The following CTNNA2 variants were observed in gnomAD, a reference collection of about 807,000 sequenced individuals.
The protein encoded by CTNNA2 is catenin alpha-2.
A neutral mutation model predicts 101.0 loss-of-function variants in CTNNA2; 42 were observed. The observed-to-expected ratio is 0.42, with a 90% CI of 0.32 to 0.54. The LOEUF is 0.54. CTNNA2 is among the 20% of genes least tolerant of loss of function. CTNNA2 has a pLI of 0.14. For synonymous variants in CTNNA2, 450 were observed against 456.4 expected (o/e 0.99, Z 0.18); for missense variants, 871 against 1,223.1 (o/e 0.71, Z 4.29).
At chr2:80,112,499 C>T (rs1701280479) in intron 7 of CTNNA2, among the ~76,000 whole-genome samples, 1 of 152,210 alleles carries the variant, frequency 6.6e-6, no homozygotes, top group South Asian at 2.1e-4. Flanking sequence ...CCATCATCAC[C>T]ATTATTATCT....
At chr2:79,430,771 T>C (rs2104509832) in intron 4 of CTNNA2, among the ~76,000 whole-genome samples, 1 of 151,900 alleles carries the variant, frequency 6.6e-6, no homozygotes, top group Middle Eastern at 3.4e-3. Flanking sequence ...AATCTGCAGC[T>C]ATTCCTTATC....
chr2:80,012,417 G>T (rs1260943152), intron 7 of CTNNA2, among the ~76,000 whole-genome samples: 1 of 152,126 alleles, frequency 6.6e-6, no homozygotes, highest in African/African-American at 2.4e-5. Flanking sequence ...TGAGAAAAAG[G>T]GGGCTACATT....
intron 2 of CTNNA2, among the ~76,000 whole-genome samples, chr2:79,280,697 G>GAGAGAGAGAGAGAT: frequency 6.8e-6 from 1 of 146,020 alleles, no homozygotes; most frequent in Non-Finnish European, 1.5e-5. Context: ...GAGAGAGAGA[G>GAGAGAGAGAGAGAT]AGAGACCTAT....
intron 2 of CTNNA2, among the ~76,000 whole-genome samples, chr2:79,307,481 C>T (rs1676274302): frequency 1.3e-5 from 2 of 152,178 alleles, no homozygotes; most frequent in African/African-American, 4.8e-5. Flanking sequence ...TGGTGTTTAA[C>T]TTTCTGTTCC....
chr2:79,187,337 T>C (rs977372489), intron 1 of CTNNA2, among the ~76,000 whole-genome samples: 36 of 144,148 alleles, frequency 2.5e-4, no homozygotes, highest in African/African-American at 8.8e-4. Context: ...TGGCACAATC[T>C]CAGCTCACTG....
chr2:79,528,089 T>C (rs1427530183), intron 1 of CTNNA2, among the ~76,000 whole-genome samples: 1 of 152,210 alleles, frequency 6.6e-6, no homozygotes, highest in East Asian at 1.9e-4. Flanking sequence ...TGATTGAATT[T>C]ATATAAAATG....
chr2:80,205,513 A>G (rs533892937), intron 7 of CTNNA2, among the ~76,000 whole-genome samples: 1 of 152,362 alleles, frequency 6.6e-6, no homozygotes, highest in African/African-American at 2.4e-5. Flanking sequence ...AAGAAGATGG[A>G]TAATTTATGG....
At chr2:79,477,665 G>T (rs969897355) in intron 4 of CTNNA2, among the ~76,000 whole-genome samples, 5 of 152,174 alleles carry the variant, frequency 3.3e-5, no homozygotes, top group Admixed American at 6.5e-5. Context: ...TCAAGAATCT[G>T]TCAACTTTGA....
chr2:79,266,752 C>A (rs1674992361), intron 2 of CTNNA2, among the ~76,000 whole-genome samples: 1 of 152,030 alleles, frequency 6.6e-6, no homozygotes, highest in African/African-American at 2.4e-5. Context: ...CCTAGTATCA[C>A]CAGCATTTGA....
intron 7 of CTNNA2, among the ~76,000 whole-genome samples, chr2:80,389,168 T>C (rs1355324798): frequency 2.6e-5 from 4 of 152,206 alleles, no homozygotes; most frequent in Non-Finnish European, 4.4e-5. Flanking sequence ...TTTCATTTTT[T>C]TTCCACATCA....
At chr2:79,852,684 C>T (rs62141576) in intron 3 of CTNNA2, among the ~76,000 whole-genome samples, 38,298 of 152,006 alleles carry the variant, frequency 0.25, 5,068 homozygotes, top group Non-Finnish European at 0.3. Flanking sequence ...CTCCGCCTTC[C>T]GGGTTCAAGT....
At chr2:79,464,546 G>A (rs921610231) in intron 4 of CTNNA2, among the ~76,000 whole-genome samples, 1 of 152,120 alleles carries the variant, frequency 6.6e-6, no homozygotes, top group Non-Finnish European at 1.5e-5. Flanking sequence ...CTAGATCCCT[G>A]AGGAATCACC....
intron 7 of CTNNA2, among the ~76,000 whole-genome samples, chr2:80,274,403 A>G (rs1162454047): frequency 6.6e-6 from 1 of 152,212 alleles, no homozygotes; most frequent in African/African-American, 2.4e-5. Flanking sequence ...ATCTGGGAAG[A>G]CATTAAGATA....
chr2:79,534,657 A>G (rs562984893), intron 1 of CTNNA2, among the ~76,000 whole-genome samples: 2 of 152,214 alleles, frequency 1.3e-5, no homozygotes, highest in East Asian at 3.9e-4. Flanking sequence ...TATTTATTCT[A>G]GTACTGATAG....
chr2:79,209,676 T>C (rs1470442976), intron 2 of CTNNA2, among the ~76,000 whole-genome samples: 2 of 115,358 alleles, frequency 1.7e-5, no homozygotes, highest in Non-Finnish European at 1.8e-5. Context: ...CACCAGAAAA[T>C]ACATGCACAT....
intron 2 of CTNNA2, among the ~76,000 whole-genome samples, chr2:79,677,151 C>G (rs923253441): frequency 2.0e-5 from 3 of 152,138 alleles, no homozygotes; most frequent in Non-Finnish European, 2.9e-5. Context: ...TCTCTTTTGA[C>G]AATAAATGAT....
intron 4 of CTNNA2, among the ~76,000 whole-genome samples, chr2:79,478,533 A>T (rs562969388): frequency 3.7e-4 from 56 of 152,326 alleles, no homozygotes; most frequent in Admixed American, 2.7e-3. Context: ...ATGAGAAATA[A>T]CCATGATTAG....
At chr2:79,374,363 A>G (rs1677938045) in intron 4 of CTNNA2, among the ~76,000 whole-genome samples, 1 of 152,194 alleles carries the variant, frequency 6.6e-6, no homozygotes, top group Non-Finnish European at 1.5e-5. Flanking sequence ...CACAAATACA[A>G]TAATGGGGCG....
At chr2:80,555,448 C>G (rs539965880) in intron 11 of CTNNA2, among the ~76,000 whole-genome samples, 1 of 152,186 alleles carries the variant, frequency 6.6e-6, no homozygotes, top group Non-Finnish European at 1.5e-5. Flanking sequence ...CCCAGACTTA[C>G]TGAATTGGAA....
Sources: gnomAD v4.1 joint callset for allele counts (sites outside exome capture counted in the v4.1 genomes callset) on GRCh38, gnomAD v4.1.1 for gene constraint, MANE v1.5 for transcripts, NCBI Gene and HGNC (gene_info 2026-07-23, HGNC 2026-07-21) for gene names.